Variants in PRKAA1 observed in about 807,000 individuals in gnomAD.
The protein encoded by PRKAA1 is protein kinase AMP-activated catalytic subunit alpha 1, also known as 5'-AMP-activated protein kinase catalytic subunit alpha-1.
PRKAA1 carries 23 observed loss-of-function variants against 56.9 expected under a neutral mutation model. That is an observed-to-expected ratio of 0.40 (90% CI 0.29 to 0.57). PRKAA1 has a LOEUF of 0.57. Ranked by LOEUF, PRKAA1 falls within the 20% of genes least tolerant of loss-of-function variation. PRKAA1 has a pLI of 0.39. For synonymous variants in PRKAA1, 226 were observed against 227.0 expected (o/e 1.00, Z 0.04); for missense variants, 413 against 679.7 (o/e 0.61, Z 4.36).
chr5:40,795,337 A>G (rs918126012), intron 1 of PRKAA1, among the ~76,000 whole-genome samples: 4 of 152,158 alleles, frequency 2.6e-5, no homozygotes, highest in Non-Finnish European at 4.4e-5. Context: ...AATCACCACT[A>G]AAGAATTTAC....
intron 4 of PRKAA1, among the ~76,000 whole-genome samples, chr5:40,770,423 A>ACCACT (rs1044801426): frequency 7.4e-5 from 8 of 107,400 alleles, no homozygotes; most frequent in Admixed American, 1.8e-4. Context: ...CCGAGATCGT[A>ACCACT]CCACTCCAGC....
chr5:40,786,231 G>C (rs1471023201), intron 1 of PRKAA1, among the ~76,000 whole-genome samples: 1 of 149,870 alleles, frequency 6.7e-6, no homozygotes, highest in African/African-American at 2.5e-5. Context: ...CTCTATTCTG[G>C]GTGACAGAGT....
intron 1 of PRKAA1, 122 bp downstream of exon 1, chr5:40,797,941 A>C: frequency 6.8e-6 from 9 of 1,328,454 alleles, no homozygotes; most frequent in East Asian, 9.4e-5. Flanking sequence ...AGGATCCGGG[A>C]CAGGGGCTGC....
chr5:40,773,626 A>G (rs1743852545), intron 3 of PRKAA1, among the ~76,000 whole-genome samples: 1 of 152,214 alleles, frequency 6.6e-6, no homozygotes, highest in Admixed American at 6.5e-5. Context: ...ATAAAGACTA[A>G]GCCTACAAGA....
At chr5:40,792,809 TC>T (rs1357168118) in intron 1 of PRKAA1, among the ~76,000 whole-genome samples, 1 of 152,098 alleles carries the variant, frequency 6.6e-6, no homozygotes, top group Non-Finnish European at 1.5e-5. Flanking sequence ...ATGCCTGTAA[TC>T]CCAGCACTGT....
Position 40,769,475 on chromosome 5 carries a change from T to A in PRKAA1, c.537A>T (p.Glu179Asp). Residue 179 changes from glutamate (E) to aspartate (D), a missense_variant, in exon 5 of 9, where the codon GAA becomes GAT. By Grantham distance (45) the Glu-to-Asp change is conservative. Transcript: ENST00000397128. Reference sequence around the variant, plus strand: ...GTGAGCCACAACTTGTTCTTAAAAATTCACCATCTGACATCATGTTTGAAA... The same window carrying A: ...GTGAGCCACAACTTGTTCTTAAAAAATCACCATCTGACATCATGTTTGAAA... ...FGLSNMMSDG[E>D]FLRTSCGSPN... 6.2e-7 allele frequency: 1 copy of A among 1,610,764 alleles called. No homozygotes were observed. Among genetic ancestry groups the A allele is most frequent in the Non-Finnish European group, 8.5e-7 (1 of 1,178,148 alleles).
At chr5:40,777,193 A>C (rs1028076176) in intron 2 of PRKAA1, 5 of 247,794 alleles carry the variant, frequency 2.0e-5, no homozygotes, top group African/African-American at 1.1e-4. Context: ...TTGTATTTTT[A>C]CTGGAGACAG....
chr5:40,788,020 A>G lies in PRKAA1; in HGVS notation c.127+10043T>C, dbSNP rs115570870. Reference sequence around the variant, plus strand: ...GAAAAAGATATTCCATACAAATGCAAACAAAAAGAGAACAGAGATAGCTAT... The same window carrying G: ...GAAAAAGATATTCCATACAAATGCAGACAAAAAGAGAACAGAGATAGCTAT... On this transcript the variant is annotated intron_variant, in intron 1 of 8. Transcript: ENST00000397128. Among the ~76,000 whole-genome samples, 638 of 152,354 alleles carry G rather than the reference A, an allele frequency of 4.2e-3. 4 individuals carry two copies. Among genetic ancestry groups the G allele is most frequent in the African/African-American group, 0.015 (612 of 41,600 alleles).
chr5:40,771,360 T>C (rs983618289), intron 4 of PRKAA1, among the ~76,000 whole-genome samples: 3 of 152,122 alleles, frequency 2.0e-5, no homozygotes, highest in African/African-American at 7.2e-5. Context: ...CAAAACAGCC[T>C]GGCATGGTAG....
chr5:40,760,236 C>T lies in PRKAA1; in HGVS notation c.*2542G>A, dbSNP rs889965762. The T allele has an allele frequency of 6.6e-6, 1 of 152,632 alleles. No homozygotes were observed. The highest frequency in any genetic ancestry group is 2.4e-5 in the African/African-American group (1 of 41,408). 9.5% of individuals were successfully genotyped at this position (152,632 alleles called of 1,614,324 possible). A position where few individuals can be genotyped will look rare whatever the true frequency, so the allele number is the denominator to read the frequency against. On this transcript the variant is annotated 3_prime_UTR_variant, in exon 9 of 9. Transcript: ENST00000397128. ...AACCAAAGGTTGTCATTTCAAATAT[C>T]CTAGCTTAAAAAAGAATTTACTGCA...
intron 1 of PRKAA1, among the ~76,000 whole-genome samples, chr5:40,796,807 G>A (rs764113150): frequency 3.9e-5 from 6 of 152,162 alleles, no homozygotes; most frequent in Non-Finnish European, 7.3e-5. Flanking sequence ...AGGCTCAGTT[G>A]AGTTACCGTA....
intron 1 of PRKAA1, among the ~76,000 whole-genome samples, chr5:40,788,201 G>C (rs1444496273): frequency 6.6e-6 from 1 of 152,148 alleles, no homozygotes; most frequent in Non-Finnish European, 1.5e-5. Context: ...AGGATGGATA[G>C]CCCAGAATAA....
intron 1 of PRKAA1, 82 bp downstream of exon 1, chr5:40,797,981 C>T: frequency 1.9e-6 from 3 of 1,556,604 alleles, no homozygotes; most frequent in African/African-American, 1.4e-5. Flanking sequence ...ACGCAGCGGG[C>T]GGGGGAGGAT....
intron 1 of PRKAA1, among the ~76,000 whole-genome samples, chr5:40,778,530 T>C (rs1744120736): frequency 1.3e-5 from 2 of 152,170 alleles, no homozygotes; most frequent in African/African-American, 2.4e-5. Context: ...CCTTTTAACC[T>C]ATCATACACA....
At chr5:40,779,626 A>G (rs912871479) in intron 1 of PRKAA1, among the ~76,000 whole-genome samples, 2 of 152,158 alleles carry the variant, frequency 1.3e-5, no homozygotes, top group African/African-American at 4.8e-5. Context: ...ACCCAGATTC[A>G]TAACTGCGGT....
intron 1 of PRKAA1, among the ~76,000 whole-genome samples, chr5:40,785,485 C>A (rs183403799): frequency 1.2e-4 from 18 of 151,936 alleles, no homozygotes; most frequent in African/African-American, 4.4e-4. Flanking sequence ...GGTGATCCGC[C>A]CCCCCTCGGC....
chr5:40,786,886 AG>A (rs954714757), intron 1 of PRKAA1, among the ~76,000 whole-genome samples: 1 of 150,790 alleles, frequency 6.6e-6, no homozygotes, highest in Admixed American at 6.6e-5. Context: ...TGAACAGAGC[AG>A]GCAGAGGTTG....
intron 5 of PRKAA1, 66 bp downstream of exon 5, chr5:40,769,345 ATAGAC>A (rs1199550253): frequency 4.1e-5 from 50 of 1,226,098 alleles, no homozygotes; most frequent in Non-Finnish European, 5.3e-5. Context: ...ATATGACACT[ATAGAC>A]TAACAAAATC....
chr5:40,775,396 G>GC lies in PRKAA1; in HGVS notation c.363+13dup, dbSNP rs771709623. ...GTTACAAAATACATACAGAATTAAA[G>GC]CAGAACAGCTTACCCTTCCATTCTT... On this transcript the variant is annotated intron_variant, in intron 3 of 8. Transcript: ENST00000397128. The GC allele has an allele frequency of 6.4e-7, 1 of 1,563,344 alleles. No homozygotes were observed. Among genetic ancestry groups the GC allele is most frequent in the Admixed American group, 1.7e-5 (1 of 59,844 alleles).
Sources: allele counts gnomAD v4.1 joint callset (sites outside exome capture counted in the v4.1 genomes callset), GRCh38; gene constraint gnomAD v4.1.1; transcripts MANE v1.5; gene names NCBI Gene and HGNC (gene_info 2026-07-23, HGNC 2026-07-21).